The following HTR7 variants were observed in gnomAD, a reference collection of about 807,000 sequenced individuals.
HTR7 encodes the protein 5-hydroxytryptamine receptor 7, also known as 5-HT-7.
Under a neutral mutation model 34.0 loss-of-function variants are expected in HTR7, and 16 were observed. The ratio of observed to expected loss-of-function variants is 0.47; its 90% CI spans 0.32 to 0.71. HTR7 has a LOEUF of 0.71. HTR7 is among the 30% of genes least tolerant of loss of function. HTR7 has a pLI of 0.04. For synonymous variants in HTR7, 265 were observed against 260.2 expected, an observed-to-expected ratio of 1.02 and a Z score of -0.18; for missense variants, 504 against 625.5, an observed-to-expected ratio of 0.81 and a Z score of 2.07.
chr10:90,857,272 C>G lies in HTR7; in HGVS notation c.400G>C (p.Val134Leu), dbSNP rs756856837. ...TCGGTGACGCTGACGAAGGGCATGA[C>G]CGCCACAGCCACCGAGAGGTCGGCC... Reference protein sequence around the residue: ...ALADLSVAVAVMPFVSVTDLI... With the variant: ...ALADLSVAVALMPFVSVTDLI... The change falls in exon 1 of 4, where the codon GTC becomes CTC. Residue 134 changes from valine (V) to leucine (L), a missense_variant. By Grantham distance (32) the Val-to-Leu change is conservative. Around this residue, in one of 4 missense-constraint regions of HTR7, gnomAD observed 154 missense variants for 248.8 expected, o/e 0.62. Transcript: ENST00000336152. This position sits in a 1 kb window ranked among gnomAD's most constrained non-coding sequence, Gnocchi z 6.5. 2 of 1,613,430 alleles carry G rather than the reference C, an allele frequency of 1.2e-6. No homozygotes were observed. Among genetic ancestry groups the G allele is most frequent in the Non-Finnish European group, 1.7e-6 (2 of 1,179,818 alleles).
intron 1 of HTR7, among the ~76,000 whole-genome samples, chr10:90,843,990 A>G (rs1846370906): frequency 6.6e-6 from 1 of 152,256 alleles, no homozygotes; most frequent in Admixed American, 6.5e-5. Flanking sequence ...ACATTTGCAT[A>G]TTATCTATGG....
intron 1 of HTR7, among the ~76,000 whole-genome samples, chr10:90,852,636 T>C: frequency 6.6e-6 from 1 of 152,216 alleles, no homozygotes; most frequent in East Asian, 1.9e-4. Context: ...AATTATGGTA[T>C]ATTTATACAA....
chr10:90,801,630 G>C (rs1845628240), intron 1 of HTR7, among the ~76,000 whole-genome samples: 1 of 152,146 alleles, frequency 6.6e-6, no homozygotes, highest in African/African-American at 2.4e-5. Flanking sequence ...AACTTCAGAG[G>C]GTCAAGGGGA....
chr10:90,808,257 G>T (rs1371021268), intron 1 of HTR7, among the ~76,000 whole-genome samples: 7 of 151,230 alleles, frequency 4.6e-5, no homozygotes, highest in African/African-American at 1.7e-4. Flanking sequence ...CCACCTTTCT[G>T]GGGGGCAAGA....
chr10:90,827,820 C>T (rs1846102335), intron 1 of HTR7, among the ~76,000 whole-genome samples: 1 of 152,130 alleles, frequency 6.6e-6, no homozygotes, highest in African/African-American at 2.4e-5. Context: ...GGACAGATCA[C>T]CCAGAAAGAA....
intron 1 of HTR7, among the ~76,000 whole-genome samples, chr10:90,827,158 A>T (rs1402088463): frequency 2.6e-5 from 4 of 152,166 alleles, no homozygotes; most frequent in Admixed American, 2.6e-4. Flanking sequence ...AGAAGAACAC[A>T]AAACAACCAG....
At chr10:90,781,988 G>C (rs565913541) in intron 1 of HTR7, among the ~76,000 whole-genome samples, 13 of 152,308 alleles carry the variant, frequency 8.5e-5, no homozygotes, top group African/African-American at 2.9e-4. Context: ...TTCTCTGCCT[G>C]GGTTGGATCA....
At chr10:90,751,266 G>A (rs1439380453) in intron 1 of HTR7, among the ~76,000 whole-genome samples, 7 of 152,124 alleles carry the variant, frequency 4.6e-5, no homozygotes, top group Admixed American at 1.3e-4. Context: ...CGGGCAGTGC[G>A]GGGGAAAGTA....
chr10:90,830,821 C>G (rs922640165), intron 1 of HTR7, among the ~76,000 whole-genome samples: 3 of 148,960 alleles, frequency 2.0e-5, no homozygotes, highest in Non-Finnish European at 4.4e-5. Context: ...AGCAAACAAG[C>G]TTTGGCCCAG....
At chr10:90,822,351 C>A (rs1250308442) in intron 1 of HTR7, among the ~76,000 whole-genome samples, 2 of 152,212 alleles carry the variant, frequency 1.3e-5, no homozygotes, top group African/African-American at 2.4e-5. Flanking sequence ...CAGCATTGTG[C>A]CTACCCCTGC....
At position 90,781,980 on chromosome 10, in the gene HTR7, C is replaced by G. The variant is rs61857731; in HGVS notation, c.540-32386G>C. On this transcript the variant is annotated intron_variant, in intron 1 of 3. Coordinates refer to ENST00000336152, the MANE Select transcript of HTR7 (RefSeq NM_019859.4). Reference sequence around the variant, plus strand: ...ACTGCAGACCTTGACTCTCTCACTTCTCTGCCTGGGTTGGATCAGGCTGGA... The same window carrying G: ...ACTGCAGACCTTGACTCTCTCACTTGTCTGCCTGGGTTGGATCAGGCTGGA... Among the ~76,000 whole-genome samples, 199 of 152,364 alleles carry G rather than the reference C, an allele frequency of 1.3e-3. 2 individuals carry two copies. The highest frequency in any genetic ancestry group is 1.9e-3 in the Non-Finnish European group (131 of 68,034).
At chr10:90,855,984 A>G (rs1846573344) in intron 1 of HTR7, among the ~76,000 whole-genome samples, 1 of 152,210 alleles carries the variant, frequency 6.6e-6, no homozygotes, top group African/African-American at 2.4e-5. Flanking sequence ...CCAGCAAACC[A>G]CAAACAGCAG....
chr10:90,792,865 G>T (rs944372740), intron 1 of HTR7, among the ~76,000 whole-genome samples: 3 of 151,862 alleles, frequency 2.0e-5, no homozygotes, highest in African/African-American at 7.3e-5. Flanking sequence ...TACAGTTGGA[G>T]CCTTACCTTA....
intron 1 of HTR7, among the ~76,000 whole-genome samples, chr10:90,804,368 G>C (rs953471097): frequency 1.4e-4 from 22 of 152,186 alleles, no homozygotes; most frequent in Non-Finnish European, 1.5e-5. Context: ...TTAACACTTA[G>C]CCATCTTTGG....
intron 1 of HTR7, among the ~76,000 whole-genome samples, chr10:90,755,936 T>C (rs1013641833): frequency 2.6e-5 from 4 of 152,208 alleles, no homozygotes; most frequent in African/African-American, 9.7e-5. Flanking sequence ...TAGCTCCAAA[T>C]GAAACTAATC....
At chr10:90,839,149 A>C (rs1846292264) in intron 1 of HTR7, among the ~76,000 whole-genome samples, 1 of 152,230 alleles carries the variant, frequency 6.6e-6, no homozygotes, top group South Asian at 2.1e-4. Flanking sequence ...TGGCCCAGAA[A>C]AGAAGCTCAA....
At chr10:90,805,480 T>A (rs1248626311) in intron 1 of HTR7, among the ~76,000 whole-genome samples, 1 of 152,216 alleles carries the variant, frequency 6.6e-6, no homozygotes, top group African/African-American at 2.4e-5. Context: ...GGGAAGACAG[T>A]GTCTTAAAGT....
intron 1 of HTR7, among the ~76,000 whole-genome samples, chr10:90,798,281 C>T (rs1845572364): frequency 6.6e-6 from 1 of 152,164 alleles, no homozygotes; most frequent in Admixed American, 6.5e-5. Flanking sequence ...CAATCCTACT[C>T]AAAGCAATAT....
intron 1 of HTR7, among the ~76,000 whole-genome samples, chr10:90,820,489 A>T (rs535852436): frequency 7.2e-5 from 11 of 152,216 alleles, no homozygotes; most frequent in Non-Finnish European, 1.5e-4. Context: ...TACCTGCTGT[A>T]AGAAATGTGC....
Sources: gnomAD v4.1 joint callset for allele counts (sites outside exome capture counted in the v4.1 genomes callset) on GRCh38, gnomAD v4.1.1 for gene constraint, gnomAD v4.1.1 regional missense constraint, Gnocchi (gnomAD v3.1) non-coding constraint, MANE v1.5 for transcripts, NCBI Gene and HGNC (gene_info 2026-07-23, HGNC 2026-07-21) for gene names.